Variants in GRIA4 observed in about 807,000 individuals in gnomAD.
The protein encoded by GRIA4 is glutamate receptor 4.
Under a neutral mutation model 104.0 loss-of-function variants are expected in GRIA4, and 34 were observed. The ratio of observed to expected loss-of-function variants is 0.33; its 90% CI spans 0.25 to 0.44. The LOEUF (loss-of-function observed/expected upper bound fraction) is 0.44. Among genes scored for constraint, GRIA4 ranks in the 20% least tolerant of loss-of-function variants. The probability of loss-of-function intolerance (pLI) is 1.00; values close to 1 mark genes in which losing one functional copy is unlikely to be tolerated. For missense variants in GRIA4, 750 were observed against 1,096.5 expected (o/e 0.68, Z 4.46); for synonymous variants, 386 against 381.9 (o/e 1.01, Z -0.13).
At chr11:105,755,286 A>G (rs1010105427) in intron 4 of GRIA4, among the ~76,000 whole-genome samples, 4 of 152,198 alleles carry the variant, frequency 2.6e-5, no homozygotes, top group African/African-American at 9.6e-5. Flanking sequence ...AGAAAAAGGA[A>G]CAAATGAAGA....
chr11:105,878,235 C>A (rs2136072380), intron 5 of GRIA4, among the ~76,000 whole-genome samples: 1 of 152,296 alleles, frequency 6.6e-6, no homozygotes, highest in African/African-American at 2.4e-5. Context: ...CTGGGTATCA[C>A]CAGTGGAGGC....
At chr11:105,752,867 G>A (rs1001737264) in intron 3 of GRIA4, 114 bp from the exon 4 acceptor site, 2 of 945,480 alleles carry the variant, frequency 2.1e-6, no homozygotes, top group Non-Finnish European at 3.3e-6. Context: ...TTATACTCCT[G>A]ACAGATCCAA....
At chr11:105,868,480 A>T (rs1259604519) in intron 5 of GRIA4, among the ~76,000 whole-genome samples, 1 of 152,108 alleles carries the variant, frequency 6.6e-6, no homozygotes, top group Non-Finnish European at 1.5e-5. Context: ...CCTAGTGATG[A>T]TAGGGGTTCA....
chr11:105,746,141 T>C (rs1939643288), intron 3 of GRIA4, among the ~76,000 whole-genome samples: 1 of 151,942 alleles, frequency 6.6e-6, no homozygotes. Context: ...TGTGTGTGTA[T>C]TGTAGGTAGG....
chr11:105,912,320 G>C (rs1306970958), intron 10 of GRIA4: 8 of 975,738 alleles, frequency 8.2e-6, no homozygotes, highest in Non-Finnish European at 9.7e-6. Context: ...AATTTTGCCT[G>C]TTCTGTGTGA....
At chr11:105,745,127 T>G (rs1939565685) in intron 3 of GRIA4, among the ~76,000 whole-genome samples, 1 of 152,146 alleles carries the variant, frequency 6.6e-6, no homozygotes, top group Non-Finnish European at 1.5e-5. Context: ...TCTCTTTTCT[T>G]GTGCTAATAA....
intron 3 of GRIA4, among the ~76,000 whole-genome samples, chr11:105,694,030 T>C (rs926932494): frequency 5.9e-5 from 9 of 152,214 alleles, no homozygotes; most frequent in African/African-American, 2.2e-4. Flanking sequence ...GGGAATTACT[T>C]ATTTTGCACG....
chr11:105,630,320 C>A (rs1024592548), intron 3 of GRIA4, among the ~76,000 whole-genome samples: 1 of 152,174 alleles, frequency 6.6e-6, no homozygotes, highest in Admixed American at 6.5e-5. Context: ...AATCCCAGCA[C>A]TTTGGGAGGC....
At chr11:105,938,130 T>C (rs1161178938) in intron 14 of GRIA4, among the ~76,000 whole-genome samples, 1 of 152,250 alleles carries the variant, frequency 6.6e-6, no homozygotes, top group East Asian at 1.9e-4. Context: ...CAAATTATTT[T>C]TCTTCCACTT....
At chr11:105,973,579 T>A (rs952496888) in intron 15 of GRIA4, among the ~76,000 whole-genome samples, 6 of 151,974 alleles carry the variant, frequency 3.9e-5, no homozygotes, top group Admixed American at 3.9e-4. Context: ...CATCCATACA[T>A]AAATAACTTA....
chr11:105,636,512 T>C (rs1951206407), intron 3 of GRIA4, among the ~76,000 whole-genome samples: 2 of 152,178 alleles, frequency 1.3e-5, no homozygotes, highest in South Asian at 4.1e-4. Flanking sequence ...CTTTTCTCCA[T>C]AGACATAATC....
At chr11:105,979,013 G>C (rs1388267995) in intron 16 of GRIA4, among the ~76,000 whole-genome samples, 3 of 152,124 alleles carry the variant, frequency 2.0e-5, no homozygotes, top group Admixed American at 1.3e-4. Context: ...TAATAGCATA[G>C]AGTGAACTAT....
chr11:105,946,853 A>T (rs1423637063), intron 14 of GRIA4, among the ~76,000 whole-genome samples: 1 of 152,176 alleles, frequency 6.6e-6, no homozygotes, highest in Non-Finnish European at 1.5e-5. Context: ...TGTACCAAAA[A>T]AATGAGAATT....
intron 4 of GRIA4, among the ~76,000 whole-genome samples, chr11:105,803,862 AGAG>A (rs1167129759): frequency 2.2e-4 from 30 of 136,664 alleles, no homozygotes; most frequent in South Asian, 6.6e-4. Flanking sequence ...AAAAAAAAAA[AGAG>A]AGAGAGAGAG....
chr11:105,612,281 C>A lies in GRIA4; in HGVS notation c.94C>A (p.Leu32Ile), dbSNP rs761365633. The change falls in exon 3 of 17, where the codon CTC becomes ATC. Residue 32 changes from leucine to isoleucine, a missense_variant. By Grantham distance (5) the Leu-to-Ile change is conservative. Transcript: ENST00000282499. Reference protein sequence around the residue: ...AFPSSVQIGGLFIRNTDQEYT... With the variant: ...AFPSSVQIGGIFIRNTDQEYT... ...TTTCCTGCTGTTTTTAATAGGTGGT[C>A]TCTTCATCCGAAACACAGATCAGGA... is the stretch of plus-strand genomic sequence containing the variant. 6.2e-7 allele frequency: 1 copy of A among 1,613,874 alleles called. No homozygotes were observed. Among genetic ancestry groups the A allele is most frequent in the African/African-American group, 1.3e-5 (1 of 74,912 alleles).
chr11:105,977,718 A>C (rs1191185827), intron 16 of GRIA4, among the ~76,000 whole-genome samples: 1 of 152,044 alleles, frequency 6.6e-6, no homozygotes, highest in Admixed American at 6.5e-5. Context: ...TTCTTGATAT[A>C]AATAGTCCTG....
chr11:105,733,544 C>T (rs1938734725), intron 3 of GRIA4, among the ~76,000 whole-genome samples: 1 of 152,102 alleles, frequency 6.6e-6, no homozygotes, highest in Admixed American at 6.6e-5. Flanking sequence ...GCAACCTCTG[C>T]CTCCTAGGTT....
chr11:105,885,237 C>A (rs879527367), intron 5 of GRIA4, among the ~76,000 whole-genome samples: 1 of 152,164 alleles, frequency 6.6e-6, no homozygotes, highest in Admixed American at 6.6e-5. Context: ...ATGGCTCCAT[C>A]CTGCTCCACC....
At chr11:105,630,767 CATCT>C (rs1473950099) in intron 3 of GRIA4, among the ~76,000 whole-genome samples, 1 of 151,786 alleles carries the variant, frequency 6.6e-6, no homozygotes, top group East Asian at 1.9e-4. Flanking sequence ...TGGACTTCTC[CATCT>C]GAGTAGGTGA....
Sources: gnomAD v4.1 joint callset for allele counts (sites outside exome capture counted in the v4.1 genomes callset) on GRCh38, gnomAD v4.1.1 for gene constraint, MANE v1.5 for transcripts, NCBI Gene and HGNC (gene_info 2026-07-23, HGNC 2026-07-21) for gene names.